The following RAPGEF6 variants were observed in gnomAD, a reference collection of about 807,000 sequenced individuals.
RAPGEF6 encodes Rap guanine nucleotide exchange factor 6.
In RAPGEF6, 56 loss-of-function variants were observed where a neutral mutation model predicts 171.4. The ratio of observed to expected loss-of-function variants is 0.33; its 90% CI spans 0.26 to 0.41. The LOEUF is 0.41. RAPGEF6 is among the 10% of genes least tolerant of loss of function. The probability of loss-of-function intolerance (pLI) is 1.00; values close to 1 mark genes in which losing one functional copy is unlikely to be tolerated. For synonymous variants in RAPGEF6, 692 were observed against 650.1 expected, an observed-to-expected ratio of 1.06 and a Z score of -0.98; for missense variants, 1,674 against 1,921.4, an observed-to-expected ratio of 0.87 and a Z score of 2.41.
chr5:131,431,031 C>G lies in RAPGEF6; in HGVS notation c.4293G>C (p.Lys1431Asn), dbSNP rs754735610. Reference sequence around the variant, plus strand: ...ACAGAGAACTGGAGGAGGTCCAACTCTTTCTCTCTAGGCTTCCTTTACACT... The same window carrying G: ...ACAGAGAACTGGAGGAGGTCCAACTGTTTCTCTCTAGGCTTCCTTTACACT... ...CGQCKGSLER[K>N]SWTSSSSLSD... Residue 1431 changes from lysine (K) to asparagine (N), a missense_variant, in exon 26 of 28, where the codon AAG (lysine) becomes AAC (asparagine). Transcript: ENST00000509018. 2 of 1,614,204 alleles carry G rather than the reference C, an allele frequency of 1.2e-6. No homozygotes were observed. Among genetic ancestry groups the G allele is most frequent in the South Asian group, 2.2e-5 (2 of 91,086 alleles).
chr5:131,528,386 T>C (rs1484029343), intron 6 of RAPGEF6, among the ~76,000 whole-genome samples: 1 of 141,068 alleles, frequency 7.1e-6, no homozygotes, highest in Non-Finnish European at 1.5e-5. Flanking sequence ...GCCTGTTTTA[T>C]GGAATTTACC....
intron 4 of RAPGEF6, among the ~76,000 whole-genome samples, chr5:131,562,635 C>T (rs1478095701): frequency 6.6e-6 from 1 of 152,120 alleles, no homozygotes; most frequent in Non-Finnish European, 1.5e-5. Context: ...TGCATCCTTC[C>T]ATATGCTTTA....
At chr5:131,492,899 T>C in intron 13 of RAPGEF6, 114 bp from the exon 14 acceptor site, 1 of 1,016,674 alleles carries the variant, frequency 9.8e-7, no homozygotes, top group Non-Finnish European at 1.4e-6. Context: ...TAAGCTGAGG[T>C]AAACAAAATT....
chr5:131,617,894 G>C (rs1765368908), intron 1 of RAPGEF6, among the ~76,000 whole-genome samples: 1 of 152,110 alleles, frequency 6.6e-6, no homozygotes, highest in Non-Finnish European at 1.5e-5. Flanking sequence ...ATTAAACATA[G>C]AACTTATTGA....
At chr5:131,580,274 G>A (rs1016220310) in intron 4 of RAPGEF6, among the ~76,000 whole-genome samples, 7 of 152,192 alleles carry the variant, frequency 4.6e-5, no homozygotes, top group Non-Finnish European at 7.4e-5. Context: ...CTGCCGGCAC[G>A]GGTGTTAAGC....
intron 8 of RAPGEF6, 24 bp downstream of exon 8, chr5:131,510,290 A>C: frequency 6.3e-7 from 1 of 1,588,400 alleles, no homozygotes; most frequent in Non-Finnish European, 8.6e-7. Context: ...ACAAATTCTT[A>C]TTGTGAACAC....
intron 6 of RAPGEF6, among the ~76,000 whole-genome samples, chr5:131,546,977 T>C (rs970150476): frequency 1.3e-5 from 2 of 152,216 alleles, no homozygotes; most frequent in African/African-American, 4.8e-5. Flanking sequence ...TATGTCACCT[T>C]AATTAGTGAT....
At chr5:131,508,013 A>C (rs1042873326) in intron 9 of RAPGEF6, 58 bp downstream of exon 9, 1 of 1,357,374 alleles carries the variant, frequency 7.4e-7, no homozygotes. Flanking sequence ...TATGGAAATT[A>C]AGTTATTTTA....
In RAPGEF6 at chr5:131,522,624, T is replaced by C. The variant is rs186349118; in HGVS notation, c.496-1103A>G. On this transcript the variant is annotated intron_variant, in intron 6 of 27. Coordinates refer to ENST00000509018, the MANE Select transcript of RAPGEF6 (RefSeq NM_016340.6). ...TATGTTAGATAATTCAGACGAATCC[T>C]AGTACTAAGACAAACAGAAAACCTG... Among the ~76,000 whole-genome samples, 244 of 152,284 alleles carry C rather than the reference T, an allele frequency of 1.6e-3. 1 individual carries two copies. Among genetic ancestry groups the C allele is most frequent in the African/African-American group, 5.6e-3 (234 of 41,538 alleles).
intron 19 of RAPGEF6, among the ~76,000 whole-genome samples, chr5:131,457,715 G>A (rs1753614240): frequency 6.6e-6 from 1 of 152,058 alleles, no homozygotes; most frequent in Admixed American, 6.5e-5. Context: ...AGTTCCTCAG[G>A]GTCAACTGCA....
At position 131,430,706 on chromosome 5, in the gene RAPGEF6, A is replaced by C. The variant is rs2149804809; in HGVS notation, c.4465+153T>G. ...GCTCCAAAGTCTTTGAGAAACCATGAATTTTTGGGAAATAACTTGTTTGTT... is the reference window on the plus strand; with the variant it reads ...GCTCCAAAGTCTTTGAGAAACCATGCATTTTTGGGAAATAACTTGTTTGTT... On this transcript the variant is annotated intron_variant, in intron 26 of 27. Transcript: ENST00000509018. The C allele has an allele frequency of 2.7e-6, 3 of 1,104,950 alleles. No homozygotes were observed. In the East Asian group the frequency reaches 7.1e-5, roughly 26 times the overall value. The allele number at this position is 1,104,950 out of a possible 1,614,324, so 68.4% of individuals were successfully genotyped here.
intron 6 of RAPGEF6, among the ~76,000 whole-genome samples, chr5:131,534,644 G>T (rs373024975): frequency 6.8e-6 from 1 of 146,034 alleles, no homozygotes; most frequent in Non-Finnish European, 1.5e-5. Flanking sequence ...TCAATCATAC[G>T]TGAGTTGGAA....
intron 1 of RAPGEF6, among the ~76,000 whole-genome samples, chr5:131,613,446 T>TAC (rs1765067654): frequency 1.3e-5 from 2 of 150,376 alleles, no homozygotes; most frequent in Non-Finnish European, 3.0e-5. Context: ...TCTCTCTTCA[T>TAC]ATATATATAT....
intron 21 of RAPGEF6, among the ~76,000 whole-genome samples, chr5:131,448,304 C>T (rs1171153636): frequency 1.3e-5 from 2 of 152,118 alleles, no homozygotes; most frequent in Non-Finnish European, 2.9e-5. Context: ...ATTTACTTTG[C>T]TTATATTTTC....
intron 4 of RAPGEF6, among the ~76,000 whole-genome samples, chr5:131,579,679 G>C (rs913252016): frequency 2.0e-5 from 3 of 152,154 alleles, no homozygotes; most frequent in Non-Finnish European, 4.4e-5. Flanking sequence ...CAATCCTTTA[G>C]CTAGAAACAA....
At chr5:131,480,718 A>G (rs1755413778) in intron 15 of RAPGEF6, among the ~76,000 whole-genome samples, 1 of 152,092 alleles carries the variant, frequency 6.6e-6, no homozygotes. Flanking sequence ...ACCTCAGGTG[A>G]TTCGCCCACC....
chr5:131,604,519 G>C (rs1764432426), intron 2 of RAPGEF6, 104 bp downstream of exon 2: 2 of 1,290,044 alleles, frequency 1.6e-6, no homozygotes, highest in Non-Finnish European at 2.1e-6. Context: ...CATATACCAA[G>C]GGCTTAAAAC....
At chr5:131,485,282 A>G (rs1755809538) in intron 15 of RAPGEF6, among the ~76,000 whole-genome samples, 1 of 152,214 alleles carries the variant, frequency 6.6e-6, no homozygotes, top group African/African-American at 2.4e-5. Flanking sequence ...GGAATAAGTT[A>G]AAATTCCAGG....
At position 131,495,118 on chromosome 5, in the gene RAPGEF6, C is replaced by A. The variant is rs140751851; in HGVS notation, c.1527+435G>T. ...GACCAGCCTGGGCAATCTGGTGAAA[C>A]CCTGTCTCTGCTAAAAATACAAAAC... On this transcript the variant is annotated intron_variant, in intron 13 of 27. Coordinates refer to ENST00000509018, the MANE Select transcript of RAPGEF6 (RefSeq NM_016340.6). Among the ~76,000 whole-genome samples the A allele has an allele frequency of 1.8e-4, 28 of 151,990 alleles. No individual in the cohort carries two copies. The East Asian group carries it at 5.4e-3, about 29-fold the overall frequency.
Sources: gnomAD v4.1 joint callset for allele counts (sites outside exome capture counted in the v4.1 genomes callset) on GRCh38, gnomAD v4.1.1 for gene constraint, MANE v1.5 for transcripts, NCBI Gene and HGNC (gene_info 2026-07-23, HGNC 2026-07-21) for gene names.